Variants in DPP6 observed in about 807,000 individuals in gnomAD.
DPP6 encodes the protein A-type potassium channel modulatory protein DPP6.
In DPP6, 69 loss-of-function variants were observed where a neutral mutation model predicts 122.6. That is an observed-to-expected ratio of 0.56 (90% CI 0.46 to 0.69). The LOEUF (loss-of-function observed/expected upper bound fraction) is 0.69, where lower values mean the gene tolerates loss of function less well. Among genes scored for constraint, DPP6 ranks in the 30% least tolerant of loss-of-function variants. DPP6 has a pLI of 0.00. For missense variants in DPP6, 928 were observed against 1,116.9 expected, an observed-to-expected ratio of 0.83 and a Z score of 2.41; for synonymous variants, 418 against 433.1, an observed-to-expected ratio of 0.97 and a Z score of 0.43.
rs1440391830 is a variant in DPP6 at position 154,483,240 on chromosome 7, T to C, written c.457+8203T>C. Reference sequence around the variant, plus strand: ...GCTGCCGATTTTGTAACGGCAGATGTAAATGAAAAACCACCCCACGGTGGC... The same window carrying C: ...GCTGCCGATTTTGTAACGGCAGATGCAAATGAAAAACCACCCCACGGTGGC... On this transcript the variant is annotated intron_variant, in intron 3 of 25. Coordinates refer to ENST00000377770, the MANE Select transcript of DPP6 (RefSeq NM_130797.4). The surrounding 1 kb of genome is among the most constrained non-coding windows in gnomAD (Gnocchi z 8.1). Among the ~76,000 whole-genome samples the C allele has an allele frequency of 6.6e-6, 1 of 152,150 alleles. No homozygotes were observed. The highest frequency in any genetic ancestry group is 1.5e-5 in the Non-Finnish European group (1 of 68,030).
chr7:154,789,659 A>G (rs557364121), intron 10 of DPP6, among the ~76,000 whole-genome samples: 1 of 152,298 alleles, frequency 6.6e-6, no homozygotes, highest in East Asian at 1.9e-4. Flanking sequence ...CTGTCTGGAG[A>G]GTCCACACTC....
At chr7:154,536,913 A>G (rs1029541598) in intron 3 of DPP6, among the ~76,000 whole-genome samples, 3 of 152,176 alleles carry the variant, frequency 2.0e-5, no homozygotes, top group African/African-American at 7.2e-5. Context: ...ACCTCACACC[A>G]TACATTCATG....
rs10264311 is a variant in DPP6 at position 154,868,261 on chromosome 7, A to G, written c.1813+168A>G. 0.024 allele frequency among the ~76,000 whole-genome samples: 3,588 copies of G among 152,274 alleles called. 107 individuals carry two copies. The highest frequency in any genetic ancestry group is 0.062 in the African/African-American group (2,579 of 41,538). ...ATGGAGTGTCTTGTGTTCAGAACCA[A>G]GATGCTCACTCTGGTGACAAAACCA... is the stretch of plus-strand genomic sequence containing the variant. On this transcript the variant is annotated intron_variant, in intron 18 of 25. Coordinates refer to ENST00000377770, the MANE Select transcript of DPP6 (RefSeq NM_130797.4).
At chr7:154,790,813 GGGAGGGAGGGAGGGAGAGGAAAGGAA>G (rs1456652843) in intron 10 of DPP6, among the ~76,000 whole-genome samples, 106 of 144,778 alleles carry the variant, frequency 7.3e-4, no homozygotes, top group Non-Finnish European at 1.3e-3. Flanking sequence ...GAGGAAAGGA[GGGAGGGAGGGAGGGAGAGGAAAGGAA>G]GGAGGGAGGG....
At chr7:153,991,418 A>C (rs1585143137) in intron 1 of DPP6, among the ~76,000 whole-genome samples, 1 of 152,192 alleles carries the variant, frequency 6.6e-6, no homozygotes, top group Admixed American at 6.5e-5. Flanking sequence ...TATTCATGCA[A>C]AGCTATACAA....
chr7:154,339,812 C>T (rs139287984), intron 1 of DPP6, among the ~76,000 whole-genome samples: 37 of 152,222 alleles, frequency 2.4e-4, no homozygotes, highest in African/African-American at 8.2e-4. Flanking sequence ...TAGTGGCTCA[C>T]GCCTGTAATC....
chr7:154,581,362 G>A (rs1166349824), intron 5 of DPP6, among the ~76,000 whole-genome samples: 1 of 152,130 alleles, frequency 6.6e-6, no homozygotes, highest in Non-Finnish European at 1.5e-5. Context: ...CAGGAAGAAG[G>A]GGACAGAAGA....
Position 154,090,992 on chromosome 7 carries a change from G to A in DPP6, c.243+37929G>A, listed in dbSNP as rs541376125. On this transcript the variant is annotated intron_variant, in intron 1 of 25. Coordinates refer to ENST00000377770, the MANE Select transcript of DPP6 (RefSeq NM_130797.4). ...AAAAATTAGCCAGGCGTGGTGGCGG[G>A]TGCCTGTAGTCCCAGCTACTCGGGA... 1.7e-3 allele frequency among the ~76,000 whole-genome samples: 249 copies of A among 150,864 alleles called. 4 individuals are homozygous for A. In the East Asian group the frequency reaches 0.022, roughly 14 times the overall value.
chr7:154,355,047 T>A (rs887500251), intron 1 of DPP6, among the ~76,000 whole-genome samples: 4 of 152,194 alleles, frequency 2.6e-5, no homozygotes, highest in African/African-American at 9.7e-5. Flanking sequence ...GTGGTGGTGG[T>A]GTTTTTACCA....
At chr7:154,590,235 C>G (rs1234745934) in intron 5 of DPP6, among the ~76,000 whole-genome samples, 1 of 152,174 alleles carries the variant, frequency 6.6e-6, no homozygotes, top group Non-Finnish European at 1.5e-5. Context: ...GGGAGCATCT[C>G]TAGCCGTTTC....
At chr7:154,395,699 T>C (rs999695341) in intron 1 of DPP6, among the ~76,000 whole-genome samples, 6 of 152,132 alleles carry the variant, frequency 3.9e-5, no homozygotes, top group African/African-American at 1.4e-4. Flanking sequence ...TGTAAACAGA[T>C]CATTTTACTT....
At chr7:153,941,621 C>G (rs796973155) in intron 1 of DPP6, among the ~76,000 whole-genome samples, 8 of 152,306 alleles carry the variant, frequency 5.3e-5, no homozygotes, top group African/African-American at 1.9e-4. Flanking sequence ...TCTACAGCAG[C>G]CTCAGCTGTC....
chr7:154,253,311 C>G (rs1802467757), intron 1 of DPP6, among the ~76,000 whole-genome samples: 1 of 152,172 alleles, frequency 6.6e-6, no homozygotes, highest in Non-Finnish European at 1.5e-5. Context: ...GTACCTGGAG[C>G]AGGCTGAAAT....
chr7:153,844,905 A>G, the DPP6 span, among the ~76,000 whole-genome samples: 1,284 of 152,332 alleles, frequency 8.4e-3, 14 homozygotes, highest in East Asian at 0.031. Flanking sequence ...TTTGTCACCC[A>G]TGTAAATAAA....
the DPP6 span, among the ~76,000 whole-genome samples, chr7:153,748,962 C>T: frequency 1.3e-5 from 2 of 151,990 alleles, no homozygotes; most frequent in African/African-American, 4.8e-5. Context: ...AATCAAACCG[C>T]AGGAGTCTCC....
intron 1 of DPP6, among the ~76,000 whole-genome samples, chr7:154,076,435 G>A (rs368337174): frequency 1.3e-5 from 2 of 151,144 alleles, no homozygotes; most frequent in East Asian, 3.9e-4. Context: ...GGGTGACGAG[G>A]GCAAAACTCC....
the DPP6 span, among the ~76,000 whole-genome samples, chr7:153,793,830 A>C: frequency 6.6e-6 from 1 of 152,118 alleles, no homozygotes; most frequent in Non-Finnish European, 1.5e-5. Context: ...CCTGTGTCCC[A>C]GTTACTCCAG....
chr7:154,312,716 C>G (rs1232051010), intron 1 of DPP6, among the ~76,000 whole-genome samples: 1 of 152,110 alleles, frequency 6.6e-6, no homozygotes, highest in Admixed American at 6.5e-5. Context: ...TTTAAAAGGC[C>G]GAAGTCCATC....
At chr7:153,750,077 C>T in the DPP6 span, among the ~76,000 whole-genome samples, 1 of 152,160 alleles carries the variant, frequency 6.6e-6, no homozygotes, top group Non-Finnish European at 1.5e-5. Flanking sequence ...CAACTCCAAA[C>T]ACTATCTACT....
Sources: gnomAD v4.1 joint callset for allele counts (sites outside exome capture counted in the v4.1 genomes callset) on GRCh38, gnomAD v4.1.1 for gene constraint, Gnocchi (gnomAD v3.1) non-coding constraint, MANE v1.5 for transcripts, NCBI Gene and HGNC (gene_info 2026-07-23, HGNC 2026-07-21) for gene names.